Variants in CNTN4 observed in about 807,000 individuals in gnomAD.
The protein encoded by CNTN4 is contactin-4.
In CNTN4, 77 loss-of-function variants were observed where a neutral mutation model predicts 122.5. The ratio of observed to expected loss-of-function variants is 0.63; its 90% CI spans 0.52 to 0.76. The LOEUF is 0.76. Ranked by LOEUF, CNTN4 falls within the 30% of genes least tolerant of loss-of-function variation. The pLI, the probability that CNTN4 is intolerant of heterozygous loss-of-function variation, is 0.00. For synonymous variants in CNTN4, 512 were observed against 447.0 expected, an observed-to-expected ratio of 1.15 and a Z score of -1.83; for missense variants, 1,256 against 1,259.1, an observed-to-expected ratio of 1.00 and a Z score of 0.04.
chr3:2,971,477 A>T (rs1489463788), intron 13 of CNTN4, among the ~76,000 whole-genome samples: 2 of 152,210 alleles, frequency 1.3e-5, no homozygotes, highest in East Asian at 1.9e-4. Flanking sequence ...AAACCTGGCA[A>T]ATTGTAATTT....
At chr3:2,178,674 T>C (rs896227773) in intron 2 of CNTN4, among the ~76,000 whole-genome samples, 1 of 152,120 alleles carries the variant, frequency 6.6e-6, no homozygotes, top group Non-Finnish European at 1.5e-5. Flanking sequence ...ATTGAAATTC[T>C]ATAGGCCCAT....
In CNTN4 at chr3:2,385,892, A is replaced by G. The variant is rs576889401; in HGVS notation, c.-89+46659A>G. Among the ~76,000 whole-genome samples, 1 of 152,146 alleles carries G rather than the reference A, an allele frequency of 6.6e-6. No individual in the cohort carries two copies. The highest frequency in any genetic ancestry group is 2.1e-4 in the South Asian group (1 of 4,820). Reference sequence around the variant, plus strand: ...TAGCGACACAATTCAACCCATAACAATGTTCCATCAATATTTGATAAATGA... The same window carrying G: ...TAGCGACACAATTCAACCCATAACAGTGTTCCATCAATATTTGATAAATGA... On this transcript the variant is annotated intron_variant, in intron 3 of 24. Transcript: ENST00000418658. The surrounding 1 kb of genome is among the most constrained non-coding windows in gnomAD (Gnocchi z 4.0).
intron 2 of CNTN4, among the ~76,000 whole-genome samples, chr3:2,173,716 A>T (rs1406498434): frequency 1.3e-5 from 2 of 152,160 alleles, no homozygotes; most frequent in Admixed American, 6.5e-5. Flanking sequence ...GAACACTATG[A>T]TTCCTCATTT....
intron 2 of CNTN4, among the ~76,000 whole-genome samples, chr3:2,315,839 T>G (rs1195927308): frequency 6.6e-6 from 1 of 152,106 alleles, no homozygotes; most frequent in Non-Finnish European, 1.5e-5. Context: ...AAAATTTGGC[T>G]TAAAAAATTA....
At chr3:2,666,495 A>G (rs2084171716) in intron 4 of CNTN4, among the ~76,000 whole-genome samples, 1 of 152,100 alleles carries the variant, frequency 6.6e-6, no homozygotes, top group African/African-American at 2.4e-5. Flanking sequence ...GATTTTTCCA[A>G]AGTAAGACAT....
chr3:2,892,992 G>T (rs1466246113), intron 10 of CNTN4, among the ~76,000 whole-genome samples: 1 of 152,034 alleles, frequency 6.6e-6, no homozygotes. Flanking sequence ...TAATACAATA[G>T]GTAAGGTGAA....
chr3:2,344,102 G>T (rs982537958), intron 3 of CNTN4, among the ~76,000 whole-genome samples: 1 of 151,936 alleles, frequency 6.6e-6, no homozygotes, highest in Non-Finnish European at 1.5e-5. Flanking sequence ...CAAACACCTC[G>T]CACTAGGCCC....
chr3:2,693,568 G>A (rs1044539076), intron 4 of CNTN4, among the ~76,000 whole-genome samples: 1 of 152,142 alleles, frequency 6.6e-6, no homozygotes, highest in South Asian at 2.1e-4. Flanking sequence ...AGCAGTGTCT[G>A]TTCATCCATC....
At chr3:2,184,304 G>C (rs2149298779) in intron 2 of CNTN4, among the ~76,000 whole-genome samples, 1 of 152,172 alleles carries the variant, frequency 6.6e-6, no homozygotes, top group African/African-American at 2.4e-5. Context: ...TCATTAAAAG[G>C]AACTTCCCTT....
chr3:2,696,945 AAAGT>A (rs2149231825), intron 4 of CNTN4, among the ~76,000 whole-genome samples: 1 of 152,322 alleles, frequency 6.6e-6, no homozygotes, highest in African/African-American at 2.4e-5. Flanking sequence ...GACATTTAAT[AAAGT>A]ATGTGAATAC....
intron 13 of CNTN4, among the ~76,000 whole-genome samples, chr3:2,941,288 T>G (rs1210855060): frequency 6.6e-6 from 1 of 152,096 alleles, no homozygotes; most frequent in African/African-American, 2.4e-5. Context: ...CTGTCTACTT[T>G]CCCTCTCTCT....
intron 14 of CNTN4, among the ~76,000 whole-genome samples, chr3:3,022,760 TG>T (rs1698409317): frequency 6.6e-6 from 1 of 152,138 alleles, no homozygotes; most frequent in African/African-American, 2.4e-5. Context: ...ATTAAGCACT[TG>T]GTAAATATAT....
At chr3:2,253,944 G>C (rs1017994154) in intron 2 of CNTN4, among the ~76,000 whole-genome samples, 1 of 151,994 alleles carries the variant, frequency 6.6e-6, no homozygotes, top group African/African-American at 2.4e-5. Flanking sequence ...GAACATGCAG[G>C]TTTGTTACAT....
At chr3:2,659,153 C>A (rs1334222952) in intron 4 of CNTN4, among the ~76,000 whole-genome samples, 2 of 151,934 alleles carry the variant, frequency 1.3e-5, no homozygotes, top group Non-Finnish European at 2.9e-5. Flanking sequence ...GAGTAAAATT[C>A]AGTAAGAACC....
At chr3:2,629,048 C>T (rs963498083) in intron 4 of CNTN4, among the ~76,000 whole-genome samples, 6 of 152,114 alleles carry the variant, frequency 3.9e-5, no homozygotes, top group Non-Finnish European at 8.8e-5. Context: ...TCTTAAGAAG[C>T]GGTATCTGAA....
At chr3:2,506,638 G>T (rs1247778425) in intron 3 of CNTN4, among the ~76,000 whole-genome samples, 1 of 152,198 alleles carries the variant, frequency 6.6e-6, no homozygotes, top group Admixed American at 6.5e-5. Context: ...TCCCAACTCT[G>T]TATTAAAACT....
At chr3:2,788,051 A>T (rs557039815) in intron 6 of CNTN4, among the ~76,000 whole-genome samples, 2 of 152,248 alleles carry the variant, frequency 1.3e-5, no homozygotes, top group African/African-American at 4.8e-5. Flanking sequence ...CGGCCTCTCA[A>T]AGTGCTCGGA....
chr3:2,549,134 T>C (rs2078374093), intron 3 of CNTN4, among the ~76,000 whole-genome samples: 1 of 150,080 alleles, frequency 6.7e-6, no homozygotes, highest in African/African-American at 2.4e-5. Context: ...TATACAATCA[T>C]GTCATCTGCA....
intron 2 of CNTN4, among the ~76,000 whole-genome samples, chr3:2,297,071 C>T (rs1465943553): frequency 1.3e-5 from 2 of 152,210 alleles, no homozygotes; most frequent in South Asian, 4.2e-4. Context: ...TTCTGACTAC[C>T]TAAGAAGTCT....
Sources: allele counts gnomAD v4.1 joint callset (sites outside exome capture counted in the v4.1 genomes callset), GRCh38; gene constraint gnomAD v4.1.1; non-coding constraint Gnocchi (gnomAD v3.1); transcripts MANE v1.5; gene names NCBI Gene and HGNC (gene_info 2026-07-23, HGNC 2026-07-21).